ZNF638: variants seen among roughly 807,000 people sequenced by gnomAD.
ZNF638 encodes zinc finger protein 638.
In ZNF638, 46 loss-of-function variants were observed where a neutral mutation model predicts 195.6. The observed-to-expected ratio is 0.24, with a 90% confidence interval of 0.19 to 0.30. The LOEUF (loss-of-function observed/expected upper bound fraction) is 0.30. ZNF638 is among the 10% of genes least tolerant of loss of function. ZNF638 has a pLI of 1.00. For synonymous variants in ZNF638, 845 were observed against 772.0 expected (o/e 1.09, Z -1.57); for missense variants, 2,440 against 2,325.3 (o/e 1.05, Z -1.01).
chr2:71,400,242 G>A (rs542359974), intron 14 of ZNF638, 62 bp downstream of exon 14: 1 of 1,311,126 alleles, frequency 7.6e-7, no homozygotes, highest in East Asian at 2.4e-5. Flanking sequence ...CCATACCTAA[G>A]TGAAATTAAG....
intron 25 of ZNF638, among the ~76,000 whole-genome samples, chr2:71,430,342 A>G (rs2080632061): frequency 6.6e-6 from 1 of 152,192 alleles, no homozygotes; most frequent in African/African-American, 2.4e-5. Context: ...AGGAAACCAG[A>G]TTGTTTTAAC....
intron 10 of ZNF638, chr2:71,395,217 T>A: frequency 1.4e-6 from 1 of 717,244 alleles, no homozygotes; most frequent in South Asian, 1.5e-5. Flanking sequence ...ATTATACTCA[T>A]GTTTGTCTTA....
intron 8 of ZNF638, chr2:71,376,398 G>GTTGT (rs3836137): frequency 0.7 from 105,344 of 151,224 alleles, 37,175 homozygotes; most frequent in Admixed American, 0.74. Context: ...TGTTTTTGTT[G>GTTGT]TTGTTTGTTT....
Position 71,363,994 on chromosome 2 carries a change from C to T in ZNF638, c.1459C>T (p.Arg487Cys), listed in dbSNP as rs762069583. Residue 487 changes from arginine to cysteine, a missense_variant, in exon 5 of 28, where the codon CGT (arginine) becomes TGT (cysteine). Arg to Cys is a radical substitution (Grantham distance 180). This residue lies in a region of ZNF638 where 1,883 missense variants were observed against 1,739.1 expected (regional missense o/e 1.08). Transcript: ENST00000264447. Reference protein sequence around the residue: ...NRKENETPRRRSHSPSPRRSR... With the variant: ...NRKENETPRRCSHSPSPRRSR... ...AAAAGAAAATGAAACTCCACGAAGA[C>T]GTTCTCATTCCCCCAGTCCTAGGCG... 1.9e-5 allele frequency: 30 copies of T among 1,613,986 alleles called. No homozygotes were observed. The highest frequency in any genetic ancestry group is 1.6e-4 in the Middle Eastern group (1 of 6,082).
At chr2:71,338,460 A>G (rs1474409528) in intron 1 of ZNF638, among the ~76,000 whole-genome samples, 2 of 152,122 alleles carry the variant, frequency 1.3e-5, no homozygotes, top group Non-Finnish European at 2.9e-5. Context: ...CTTGTCTTTC[A>G]CAATGAAAGC....
rs191753629 is a variant in ZNF638, at chr2:71,348,210, C to A, written c.-202-543C>A. On this transcript the variant is annotated intron_variant, in intron 1 of 27. Transcript: ENST00000264447. ...TTATTGGCAACAAATTTTTATCTTA[C>A]AAGAAACAACTATTTAATAATAGGA... is the stretch of plus-strand genomic sequence containing the variant. 5.1e-3 allele frequency among the ~76,000 whole-genome samples: 775 copies of A among 152,212 alleles called. 4 individuals are homozygous for A. The highest frequency in any genetic ancestry group is 0.018 in the African/African-American group (744 of 41,516).
At position 71,424,821 on chromosome 2, in the gene ZNF638, T is replaced by C. The variant is rs144441924; in HGVS notation, c.4590+106T>C. 1.5e-4 allele frequency: 124 copies of C among 830,402 alleles called. 1 individual carries two copies. Among genetic ancestry groups the C allele is most frequent in the Middle Eastern group, 2.3e-4 (1 of 4,296 alleles). The allele number at this position is 830,402 out of a possible 1,614,324, so 51.4% of individuals were successfully genotyped here. On this transcript the variant is annotated intron_variant, in intron 23 of 27. Transcript: ENST00000264447. ...TTAACAATGTTAGTGACTAAGAGTT[T>C]AGAGCAAGGGATAGGAATGAGATGT...
Position 71,427,299 on chromosome 2 carries a change from G to C in ZNF638, c.5430G>C (p.Lys1810Asn), listed in dbSNP as rs1192371180. ...CCACAGATAAAAAAGGGAATAGAAA[G>C]AAGAGAGCTGTGGACACAAAAAAGA... The part of the protein sequence containing the change: ...DHPTDKKGNR[K>N]KRAVDTKKTK... The change falls in exon 24 of 28, where the codon AAG becomes AAC. Residue 1810 changes from lysine to asparagine, a missense_variant. Transcript: ENST00000264447. 6.2e-7 allele frequency: 1 copy of C among 1,613,394 alleles called. No homozygotes were observed. The highest frequency in any genetic ancestry group is 1.3e-5 in the African/African-American group (1 of 74,848).
At chr2:71,352,486 TA>T (rs1197623098) in intron 2 of ZNF638, among the ~76,000 whole-genome samples, 4 of 19,810 alleles carry the variant, frequency 2.0e-4, no homozygotes, top group African/African-American at 3.6e-4. Flanking sequence ...TCAAAAAAAA[TA>T]AAAAAAATAA....
chr2:71,405,926 T>C (rs982419876), intron 18 of ZNF638, among the ~76,000 whole-genome samples: 4 of 152,188 alleles, frequency 2.6e-5, no homozygotes, highest in African/African-American at 9.7e-5. Flanking sequence ...GTAGAAATAT[T>C]ATACTTCCCA....
chr2:71,428,383 T>A lies in ZNF638; in HGVS notation c.5546-164T>A, dbSNP rs1183003081. On this transcript the variant is annotated intron_variant, in intron 24 of 27. Transcript: ENST00000264447. The stretch of plus-strand genomic sequence containing the variant: ...AAATGCTTAGATTAAACTGATTATT[T>A]TAAAATAGAATTCTTCTATTTTATA... The A allele has an allele frequency of 1.4e-5, 7 of 495,736 alleles. No individual in the cohort carries two copies. In the East Asian group the frequency reaches 2.3e-4, roughly 17 times the overall value. The allele number at this position is 495,736 out of a possible 1,614,324, so 30.7% of individuals were successfully genotyped here. A position where few individuals can be genotyped will look rare whatever the true frequency, so the allele number is the denominator to read the frequency against.
At chr2:71,348,659 G>A (rs1455669500) in intron 1 of ZNF638, 94 bp from the exon 2 acceptor site, 1 of 1,312,022 alleles carries the variant, frequency 7.6e-7, no homozygotes, top group African/African-American at 1.5e-5. Flanking sequence ...ATGGTTTCAT[G>A]GCTTTATTTC....
intron 11 of ZNF638, 27 bp from the exon 12 acceptor site, chr2:71,398,674 G>T: frequency 1.2e-6 from 2 of 1,605,640 alleles, no homozygotes; most frequent in South Asian, 1.1e-5. Context: ...AAGTAAACCA[G>T]TTTTGACTGC....
intron 10 of ZNF638, among the ~76,000 whole-genome samples, chr2:71,392,250 T>C (rs2079797020): frequency 1.3e-5 from 2 of 152,204 alleles, no homozygotes. Flanking sequence ...TCCTCTAGTT[T>C]TGCCAACAAA....
intron 8 of ZNF638, among the ~76,000 whole-genome samples, chr2:71,378,152 T>C (rs2079468555): frequency 6.6e-6 from 1 of 152,180 alleles, no homozygotes; most frequent in South Asian, 2.1e-4. Context: ...AATAATCACA[T>C]TTTTATAAAA....
In ZNF638 at chr2:71,424,793, G is replaced by A. The variant is rs576303897; in HGVS notation, c.4590+78G>A. 11 of 1,208,470 alleles carry A rather than the reference G, an allele frequency of 9.1e-6. No homozygotes were observed. The African/African-American group carries it at 1.5e-4, about 17-fold the overall frequency. The allele number at this position is 1,208,470 out of a possible 1,614,324, so 74.9% of individuals were successfully genotyped here. A position where few individuals can be genotyped will look rare whatever the true frequency, so the allele number is the denominator to read the frequency against. ...TTCATCTATCTTATAACTTGTGCCT[G>A]CCTTAACAATGTTAGTGACTAAGAG... On this transcript the variant is annotated intron_variant, in intron 23 of 27. Coordinates refer to ENST00000264447, the MANE Select transcript of ZNF638 (RefSeq NM_014497.5).
At chr2:71,388,291 A>C (rs2079686792) in intron 10 of ZNF638, 2 of 400,352 alleles carry the variant, frequency 5.0e-6, no homozygotes, top group South Asian at 4.1e-5. Context: ...AAGTTTATTT[A>C]CTTTTGCCGA....
Position 71,393,627 on chromosome 2 carries a change from C to G in ZNF638, c.2378-2514C>G, listed in dbSNP as rs778517498. The G allele has an allele frequency of 1.5e-5, 11 of 717,934 alleles. No individual in the cohort carries two copies. The South Asian group carries it at 1.6e-4, about 11-fold the overall frequency. The allele number at this position is 717,934 out of a possible 1,614,324, so 44.5% of individuals were successfully genotyped here. A position where few individuals can be genotyped will look rare whatever the true frequency, so the allele number is the denominator to read the frequency against. On this transcript the variant is annotated intron_variant, in intron 10 of 27. Coordinates refer to ENST00000264447, the MANE Select transcript of ZNF638 (RefSeq NM_014497.5). ...AACCATTCACTCCAGATAATTTGTTCCTTGCTCTGCTCTCTGGTGTAAGTT... is the reference window on the plus strand; with the variant it reads ...AACCATTCACTCCAGATAATTTGTTGCTTGCTCTGCTCTCTGGTGTAAGTT...
intron 14 of ZNF638, 118 bp downstream of exon 14, chr2:71,400,298 TC>T: frequency 9.4e-7 from 1 of 1,065,984 alleles, no homozygotes; most frequent in Non-Finnish European, 1.3e-6. Flanking sequence ...AATTTTGATC[TC>T]AGAATGAAAT....
Sources: gnomAD v4.1 joint callset for allele counts (sites outside exome capture counted in the v4.1 genomes callset) on GRCh38, gnomAD v4.1.1 for gene constraint, gnomAD v4.1.1 regional missense constraint, MANE v1.5 for transcripts, NCBI Gene and HGNC (gene_info 2026-07-23, HGNC 2026-07-21) for gene names.